FRK: variants seen among roughly 807,000 people sequenced by gnomAD.
The protein encoded by FRK is tyrosine-protein kinase FRK.
In FRK, 51 loss-of-function variants were observed where a neutral mutation model predicts 56.4. That is an observed-to-expected ratio of 0.90 (90% CI 0.72 to 1.14). The LOEUF (loss-of-function observed/expected upper bound fraction) is 1.14. FRK is among the 50% of genes most tolerant of loss of function. The pLI is 0.00. For synonymous variants in FRK, 245 were observed against 217.9 expected (o/e 1.12, Z -1.10); for missense variants, 570 against 601.4 (o/e 0.95, Z 0.55).
intron 1 of FRK, among the ~76,000 whole-genome samples, chr6:116,047,054 T>A (rs980788288): frequency 2.0e-5 from 3 of 150,632 alleles, no homozygotes; most frequent in Non-Finnish European, 4.4e-5. Flanking sequence ...TATATTTATA[T>A]ACATATATAT....
chr6:116,082,222 A>G, the FRK span, among the ~76,000 whole-genome samples: 2 of 152,218 alleles, frequency 1.3e-5, no homozygotes, highest in Admixed American at 6.5e-5. Context: ...AGTAAGAGAT[A>G]AGAAAGGGTA....
the FRK span, among the ~76,000 whole-genome samples, chr6:116,100,391 C>T: frequency 0.17 from 25,631 of 152,208 alleles, 2,494 homozygotes; most frequent in African/African-American, 0.26. Context: ...GGTGAAAAGA[C>T]CTTCCAAATT....
chr6:116,091,367 A>C, the FRK span, among the ~76,000 whole-genome samples: 1 of 152,336 alleles, frequency 6.6e-6, no homozygotes, highest in Middle Eastern at 3.4e-3. Context: ...CCCAGCCAGC[A>C]GCGGCAGCCT....
At chr6:116,046,682 G>A (rs1219521149) in intron 1 of FRK, among the ~76,000 whole-genome samples, 1 of 152,044 alleles carries the variant, frequency 6.6e-6, no homozygotes, top group Non-Finnish European at 1.5e-5. Flanking sequence ...CCTAAGGTAG[G>A]TGATGGGTTA....
At position 116,001,898 on chromosome 6, in the gene FRK, T is replaced by C. The variant is rs569164829; in HGVS notation, c.466+1979A>G. On this transcript the variant is annotated intron_variant, in intron 2 of 7. Transcript: ENST00000606080. ...ATTTCATTATTTACAAGCTAATGTT[T>C]GATGCAGAATCTCTTCTGAAAATTC... 3.2e-4 allele frequency among the ~76,000 whole-genome samples: 48 copies of C among 152,332 alleles called. 1 individual carries two copies. In the South Asian group the frequency reaches 9.9e-3, roughly 32 times the overall value.
chr6:116,047,661 C>T (rs969983294), intron 1 of FRK, among the ~76,000 whole-genome samples: 3 of 86,124 alleles, frequency 3.5e-5, no homozygotes, highest in Non-Finnish European at 7.7e-5. Context: ...AAGGTTACCA[C>T]TTTGGGATAG....
intron 2 of FRK, among the ~76,000 whole-genome samples, chr6:115,971,681 G>A (rs1461884271): frequency 6.6e-6 from 1 of 152,088 alleles, no homozygotes; most frequent in Non-Finnish European, 1.5e-5. Flanking sequence ...ATCACAAACA[G>A]TGTCTCAATT....
At chr6:116,034,958 A>G (rs1304058500) in intron 1 of FRK, among the ~76,000 whole-genome samples, 1 of 152,138 alleles carries the variant, frequency 6.6e-6, no homozygotes, top group Non-Finnish European at 1.5e-5. Context: ...ATATTAATAT[A>G]AGGATGAGAT....
At chr6:116,064,337 G>A (rs537874699), upstream of FRK, among the ~76,000 whole-genome samples, 39 of 152,300 alleles carry the variant, frequency 2.6e-4, no homozygotes, top group African/African-American at 8.7e-4. Flanking sequence ...GTTTTCCAAG[G>A]AGAACTGAAT....
chr6:116,038,587 A>G (rs564055249), intron 1 of FRK, among the ~76,000 whole-genome samples: 2 of 152,380 alleles, frequency 1.3e-5, no homozygotes, highest in South Asian at 4.1e-4. Context: ...AAGCAATTCA[A>G]CTTTTCAAGA....
chr6:116,005,444 T>G (rs762101425), intron 1 of FRK, among the ~76,000 whole-genome samples: 1 of 152,184 alleles, frequency 6.6e-6, no homozygotes, highest in Non-Finnish European at 1.5e-5. Flanking sequence ...TCCTAGAGCT[T>G]CTATTTAAAG....
At chr6:116,007,046 CA>C (rs111249061) in intron 1 of FRK, among the ~76,000 whole-genome samples, 18 of 152,172 alleles carry the variant, frequency 1.2e-4, no homozygotes, top group African/African-American at 4.3e-4. Context: ...CCAGAACTGG[CA>C]ATACTTTTTC....
chr6:116,050,435 C>T (rs558941729), intron 1 of FRK, among the ~76,000 whole-genome samples: 39 of 152,246 alleles, frequency 2.6e-4, no homozygotes, highest in African/African-American at 9.1e-4. Context: ...CACAGTTATT[C>T]CCATTTCTTA....
chr6:116,046,677 G>A (rs1177544614), intron 1 of FRK, among the ~76,000 whole-genome samples: 1 of 151,950 alleles, frequency 6.6e-6, no homozygotes, highest in African/African-American at 2.4e-5. Context: ...AAATACCTAA[G>A]GTAGGTGATG....
intron 1 of FRK, chr6:116,039,640 G>T (rs1776635867): frequency 2.7e-6 from 2 of 753,270 alleles, no homozygotes; most frequent in Non-Finnish European, 5.0e-6. Flanking sequence ...TTCCTTTACT[G>T]TTTATATCTT....
chr6:116,057,641 G>A (rs867781126), intron 1 of FRK, among the ~76,000 whole-genome samples: 1 of 152,158 alleles, frequency 6.6e-6, no homozygotes, highest in South Asian at 2.1e-4. Flanking sequence ...CAGTGGATGT[G>A]AAGATCCCAA....
At chr6:116,024,241 A>G (rs1159603519) in intron 1 of FRK, among the ~76,000 whole-genome samples, 4 of 151,476 alleles carry the variant, frequency 2.6e-5, no homozygotes, top group Non-Finnish European at 5.9e-5. Context: ...TTATTTACTT[A>G]TTTTTTCCTT....
At chr6:116,069,328 G>A in the FRK span, among the ~76,000 whole-genome samples, 12 of 152,014 alleles carry the variant, frequency 7.9e-5, no homozygotes, top group African/African-American at 1.4e-4. Context: ...GTAGTATGAC[G>A]GCATAGTTCT....
chr6:116,080,399 C>G, the FRK span, among the ~76,000 whole-genome samples: 1 of 152,148 alleles, frequency 6.6e-6, no homozygotes, highest in Non-Finnish European at 1.5e-5. Flanking sequence ...CATGATCCAC[C>G]CACCTCAGAC....
Sources: gnomAD v4.1 joint callset for allele counts (sites outside exome capture counted in the v4.1 genomes callset) on GRCh38, gnomAD v4.1.1 for gene constraint, MANE v1.5 for transcripts, NCBI Gene and HGNC (gene_info 2026-07-23, HGNC 2026-07-21) for gene names.